The following ANKRD30A variants were observed in gnomAD, a reference collection of about 807,000 sequenced individuals.
ANKRD30A encodes ankyrin repeat domain-containing protein 30A.
In ANKRD30A, 170 loss-of-function variants were observed where a neutral mutation model predicts 166.3. The observed-to-expected ratio is 1.02, with a 90% CI of 0.90 to 1.16. The LOEUF is 1.16. Ranked by LOEUF, ANKRD30A falls within the 50% of genes most tolerant of loss-of-function variation. The pLI, the probability that ANKRD30A is intolerant of heterozygous loss-of-function variation, is 0.00. For synonymous variants in ANKRD30A, 564 were observed against 508.9 expected (o/e 1.11, Z -1.46); for missense variants, 1,630 against 1,518.0 (o/e 1.07, Z -1.23).
chr10:37,220,625 T>C (rs1054749507), intron 34 of ANKRD30A, among the ~76,000 whole-genome samples: 1 of 151,256 alleles, frequency 6.6e-6, no homozygotes, highest in African/African-American at 2.4e-5. Flanking sequence ...ACCCCACTGG[T>C]ATTTATAATT....
At position 37,141,812 on chromosome 10, in the gene ANKRD30A, G is replaced by A; in HGVS notation, c.915G>A (p.Glu305=). 1.2e-6 allele frequency: 2 copies of A among 1,612,450 alleles called. No homozygotes were observed. The highest frequency in any genetic ancestry group is 1.7e-6 in the Non-Finnish European group (2 of 1,179,540). ...AESLVEKTPD[E]AAPLVERTPD... is the part of the protein sequence containing the mutation. ...GCTTGGTGGAAAAAACACCTGATGA[G>A]GCTGCACCCTTGGTGGAAAGAACAC... Residue 305 remains glutamate (E), a synonymous_variant, in exon 7 of 36, where the codon GAG becomes GAA. Transcript: ENST00000361713.
In ANKRD30A at chr10:37,161,602, T is replaced by C. The variant is rs138472023; in HGVS notation, c.1901-1047T>C. Among the ~76,000 whole-genome samples, 310 of 152,302 alleles carry C rather than the reference T, an allele frequency of 2.0e-3. 2 individuals carry two copies. Among genetic ancestry groups the C allele is most frequent in the East Asian group, 9.3e-3 (48 of 5,180 alleles). ...ACTTCAGTTGCATTTAGATTATTTG[T>C]ACTCCAGAATGTAGACTGTGGGCAC... is the stretch of plus-strand genomic sequence containing the variant. On this transcript the variant is annotated intron_variant, in intron 15 of 35. Transcript: ENST00000361713.
chr10:37,158,347 G>C, intron 13 of ANKRD30A, 45 bp from the exon 14 acceptor site: 1 of 1,589,792 alleles, frequency 6.3e-7, no homozygotes, highest in Non-Finnish European at 8.6e-7. Flanking sequence ...GGTAGGCTTT[G>C]TCAGGCTTGC....
Position 37,219,122 on chromosome 10 carries a change from A to G in ANKRD30A, c.3410A>G (p.Lys1137Arg). ...GAAAATAAATACTTTGAGGACATTA[A>G]GATTTTAAAAGAAAAGAATGCTGAA... ...EKENKYFEDI[K>R]ILKEKNAELQ... Residue 1137 changes from lysine (K) to arginine (R), a missense_variant, in exon 34 of 36, where the codon AAG becomes AGG. By Grantham distance (26) the Lys-to-Arg change is conservative. Coordinates refer to ENST00000361713, the MANE Select transcript of ANKRD30A (RefSeq NM_052997.3). The G allele has an allele frequency of 6.2e-7, 1 of 1,609,990 alleles. No homozygotes were observed. The highest frequency in any genetic ancestry group is 1.1e-5 in the South Asian group (1 of 90,900).
At chr10:37,194,462 T>G (rs1429241666) in intron 27 of ANKRD30A, among the ~76,000 whole-genome samples, 1 of 151,932 alleles carries the variant, frequency 6.6e-6, no homozygotes, top group Non-Finnish European at 1.5e-5. Flanking sequence ...TGCCTCAGCC[T>G]CCCGAGTAGC....
At position 37,212,798 on chromosome 10, in the gene ANKRD30A, C is replaced by A. The variant is rs139373964; in HGVS notation, c.2870-3383C>A. Among the ~76,000 whole-genome samples, 123 of 151,946 alleles carry A rather than the reference C, an allele frequency of 8.1e-4. 1 individual carries two copies. Among genetic ancestry groups the A allele is most frequent in the African/African-American group, 2.7e-3 (112 of 41,504 alleles). On this transcript the variant is annotated intron_variant, in intron 31 of 35. Coordinates refer to ENST00000361713, the MANE Select transcript of ANKRD30A (RefSeq NM_052997.3). ...TTCTGCATATGGCCAGCTAGCTTTC[C>A]CAACACCATTTATTAAATAGGGAAT...
the ANKRD30A span, among the ~76,000 whole-genome samples, chr10:37,257,624 ACTT>A: frequency 6.6e-6 from 1 of 152,090 alleles, no homozygotes; most frequent in African/African-American, 2.4e-5. Flanking sequence ...GTTTCAAAAA[ACTT>A]CATTATTTCT....
chr10:37,197,407 G>A lies in ANKRD30A; in HGVS notation c.2644-1G>A. On this transcript the variant is annotated splice_acceptor_variant, in intron 28 of 35. Transcript: ENST00000361713. LOFTEE classifies it high-confidence loss of function. Reference sequence around the variant, plus strand: ...ATCATTTTGCTTCCAACCCCATTTAGCCTGCCATTGAAATGCAAAAGTCTG... The same window carrying A: ...ATCATTTTGCTTCCAACCCCATTTAACCTGCCATTGAAATGCAAAAGTCTG... The A allele has an allele frequency of 1.2e-6, 2 of 1,612,482 alleles. No homozygotes were observed. Among genetic ancestry groups the A allele is most frequent in the South Asian group, 2.2e-5 (2 of 91,008 alleles).
At chr10:37,137,705 G>A (rs1836810342) in intron 6 of ANKRD30A, among the ~76,000 whole-genome samples, 1 of 152,200 alleles carries the variant, frequency 6.6e-6, no homozygotes, top group African/African-American at 2.4e-5. Flanking sequence ...CGAGGCTTGA[G>A]TAGGTAAACA....
chr10:37,239,422 A>G, the ANKRD30A span, among the ~76,000 whole-genome samples: 1 of 152,200 alleles, frequency 6.6e-6, no homozygotes, highest in South Asian at 2.1e-4. Flanking sequence ...TGCCAGTCCA[A>G]TTTTCTCATG....
the ANKRD30A span, among the ~76,000 whole-genome samples, chr10:37,248,722 G>A: frequency 1.1e-4 from 16 of 150,696 alleles, 2 homozygotes; most frequent in African/African-American, 3.7e-4. Context: ...TAATGAAACA[G>A]AGAATCAGCA....
intron 1 of ANKRD30A, among the ~76,000 whole-genome samples, chr10:37,129,239 T>C (rs1836235368): frequency 6.6e-6 from 1 of 152,194 alleles, no homozygotes; most frequent in South Asian, 2.1e-4. Flanking sequence ...CCTTATTTTA[T>C]GCACCAATAA....
intron 34 of ANKRD30A, among the ~76,000 whole-genome samples, chr10:37,230,186 T>G (rs1843357147): frequency 6.6e-6 from 1 of 151,940 alleles, no homozygotes; most frequent in African/African-American, 2.4e-5. Context: ...AACACCTCTA[T>G]TTAGAGGAAT....
At chr10:37,246,871 G>A in the ANKRD30A span, among the ~76,000 whole-genome samples, 1 of 152,110 alleles carries the variant, frequency 6.6e-6, no homozygotes, top group African/African-American at 2.4e-5. Context: ...CATCATCATA[G>A]CACCCCTTCC....
rs556944963 is a variant in ANKRD30A, at chr10:37,153,682, T to A, written c.1798+20T>A. 8.7e-6 allele frequency: 14 copies of A among 1,609,524 alleles called. No individual in the cohort carries two copies. The highest frequency in any genetic ancestry group is 4.0e-5 in the African/African-American group (3 of 74,698). On this transcript the variant is annotated intron_variant, in intron 13 of 35. Transcript: ENST00000361713. ...TAGAAGGTAAGAACCGTTTTTTATT[T>A]AAAAATCAGTTGACCGAATATTTCT...
intron 13 of ANKRD30A, among the ~76,000 whole-genome samples, chr10:37,157,969 T>C (rs1838513886): frequency 6.6e-6 from 1 of 151,958 alleles, no homozygotes; most frequent in South Asian, 2.1e-4. Flanking sequence ...ACATAAGTGA[T>C]TCTGACGTGT....
chr10:37,241,971 A>G, the ANKRD30A span: 2 of 152,198 alleles, frequency 1.3e-5, no homozygotes, highest in Admixed American at 6.5e-5. Context: ...AAGTCAGGAC[A>G]TTCTACGTGA....
chr10:37,135,939 T>A (rs1169261912), intron 5 of ANKRD30A, among the ~76,000 whole-genome samples: 2 of 152,182 alleles, frequency 1.3e-5, no homozygotes, highest in Admixed American at 1.3e-4. Flanking sequence ...TTATAACCTA[T>A]GAAGAAACAC....
chr10:37,159,664 T>A (rs1838688680), intron 15 of ANKRD30A, among the ~76,000 whole-genome samples: 1 of 152,116 alleles, frequency 6.6e-6, no homozygotes, highest in Admixed American at 6.6e-5. Flanking sequence ...TGTCTTAAAT[T>A]TTCTTCTATT....
Sources: gnomAD v4.1 joint callset for allele counts (sites outside exome capture counted in the v4.1 genomes callset) on GRCh38, gnomAD v4.1.1 for gene constraint, MANE v1.5 for transcripts, NCBI Gene and HGNC (gene_info 2026-07-23, HGNC 2026-07-21) for gene names.